The following ACYP2 variants were observed in gnomAD, a reference collection of about 807,000 sequenced individuals.
ACYP2 encodes the protein acylphosphatase 2.
Under a neutral mutation model 11.2 loss-of-function variants are expected in ACYP2, and 12 were observed. The ratio of observed to expected loss-of-function variants is 1.08; its 90% confidence interval spans 0.69 to 1.74. ACYP2 has a LOEUF of 1.74. Ranked by LOEUF, ACYP2 falls within the 40% of genes most tolerant of loss-of-function variation. ACYP2 has a pLI of 0.00. For synonymous variants in ACYP2, 43 were observed against 32.2 expected, an observed-to-expected ratio of 1.33 and a Z score of -1.13; for missense variants, 134 against 101.9, an observed-to-expected ratio of 1.31 and a Z score of -1.35.
At chr2:54,252,283 A>T (rs996125996) in intron 6 of ACYP2, among the ~76,000 whole-genome samples, 6 of 152,212 alleles carry the variant, frequency 3.9e-5, no homozygotes, top group Non-Finnish European at 7.3e-5. Context: ...TGAACATTTT[A>T]AAAAATTGGG....
At position 53,977,751 on chromosome 2, in the gene ACYP2, A is replaced by AT. The variant is rs1208928244; in HGVS notation, c.62+3941_62+3942insT. Among the ~76,000 whole-genome samples, 13 of 151,324 alleles carry AT rather than the reference A, an allele frequency of 8.6e-5. No individual in the cohort carries two copies. In the South Asian group the frequency reaches 2.1e-3, roughly 24 times the overall value. ...CTCCATCTCAAAAAAAAAAAAAAAA[A>AT]GCCCAAGTCACTTGCTGTTTCTGGA... On this transcript the variant is annotated intron_variant, in intron 2 of 6. Transcript: ENST00000607452.
chr2:54,195,654 A>C (rs34394331), intron 6 of ACYP2, among the ~76,000 whole-genome samples: 37,992 of 148,974 alleles, frequency 0.26, 5,329 homozygotes, highest in South Asian at 0.44. Context: ...AAAAAAAACA[A>C]AACACTGTAC....
At chr2:54,055,326 G>A (rs1676083718) in intron 3 of ACYP2, among the ~76,000 whole-genome samples, 1 of 152,024 alleles carries the variant, frequency 6.6e-6, no homozygotes, top group Non-Finnish European at 1.5e-5. Flanking sequence ...ACCCAGCCTG[G>A]TTTTTCTTAA....
intron 2 of ACYP2, among the ~76,000 whole-genome samples, chr2:53,980,808 A>G (rs1403176240): frequency 1.3e-5 from 2 of 151,628 alleles, no homozygotes; most frequent in Non-Finnish European, 2.9e-5. Flanking sequence ...TTGGAGTGCA[A>G]TGGTGCAATC....
Position 54,304,840 on chromosome 2 carries a change from C to A in ACYP2, c.*38C>A. 8.4e-7 allele frequency: 1 copy of A among 1,189,218 alleles called. No homozygotes were observed. Among genetic ancestry groups the A allele is most frequent in the Non-Finnish European group, 1.2e-6 (1 of 811,252 alleles). The allele number at this position is 1,189,218 out of a possible 1,614,324, so 73.7% of individuals were successfully genotyped here. A position where few individuals can be genotyped will look rare whatever the true frequency, so the allele number is the denominator to read the frequency against. ...ATTGTAACACACTGAACAATAGATA[C>A]TGTATGTTCTTAAGACTATGTATAC... On this transcript the variant is annotated 3_prime_UTR_variant, in exon 7 of 7. Coordinates refer to ENST00000607452, the MANE Select transcript of ACYP2 (RefSeq NM_001320586.2).
At position 54,051,288 on chromosome 2, in the gene ACYP2, A is replaced by T. The variant is rs776103831; in HGVS notation, c.155+238A>T. 3.0e-5 allele frequency: 23 copies of T among 778,700 alleles called. No homozygotes were observed. In the Admixed American group the frequency reaches 4.0e-4, roughly 13 times the overall value. 48.2% of individuals were successfully genotyped at this position (778,700 alleles called of 1,614,324 possible). A position where few individuals can be genotyped will look rare whatever the true frequency, so the allele number is the denominator to read the frequency against. ...TTTGTGCAAACTTGTCAGGAAGAGC[A>T]TAAGAAGCAGCAGCCAGATGCTTCA... On this transcript the variant is annotated intron_variant, in intron 3 of 6. Transcript: ENST00000607452.
intron 6 of ACYP2, among the ~76,000 whole-genome samples, chr2:54,291,643 G>A (rs1166886120): frequency 6.6e-6 from 1 of 152,192 alleles, no homozygotes; most frequent in African/African-American, 2.4e-5. Flanking sequence ...ACTGAGTTCA[G>A]TGGAGAAAGA....
At chr2:53,993,389 A>AT (rs1418705311) in intron 2 of ACYP2, among the ~76,000 whole-genome samples, 1 of 152,058 alleles carries the variant, frequency 6.6e-6, no homozygotes, top group Non-Finnish European at 1.5e-5. Flanking sequence ...AGAAAAAAAA[A>AT]GTACAGGTGC....
At chr2:54,068,220 A>C (rs1226148928) in intron 4 of ACYP2, among the ~76,000 whole-genome samples, 1 of 152,140 alleles carries the variant, frequency 6.6e-6, no homozygotes, top group Non-Finnish European at 1.5e-5. Context: ...TTGAGAGAGG[A>C]ACTGGGTTTG....
At chr2:54,200,782 T>C (rs1310048916) in intron 6 of ACYP2, among the ~76,000 whole-genome samples, 2 of 152,178 alleles carry the variant, frequency 1.3e-5, no homozygotes, top group African/African-American at 4.8e-5. Flanking sequence ...AGGAGTAGAA[T>C]TGCTGGGTTA....
chr2:54,277,769 T>G (rs1466542914), intron 6 of ACYP2, among the ~76,000 whole-genome samples: 1 of 152,210 alleles, frequency 6.6e-6, no homozygotes, highest in Non-Finnish European at 1.5e-5. Context: ...TTAGGCAACA[T>G]TCATTATTTC....
At chr2:54,298,177 C>T (rs1689592575) in intron 6 of ACYP2, among the ~76,000 whole-genome samples, 1 of 152,018 alleles carries the variant, frequency 6.6e-6, no homozygotes, top group Non-Finnish European at 1.5e-5. Flanking sequence ...AAATAGAATG[C>T]CTATAAACAG....
intron 2 of ACYP2, among the ~76,000 whole-genome samples, chr2:54,036,040 C>G (rs1674880667): frequency 6.6e-6 from 1 of 152,148 alleles, no homozygotes; most frequent in Non-Finnish European, 1.5e-5. Context: ...AGTACCTCTC[C>G]AAGCTTAGAG....
chr2:54,229,975 C>T (rs963419802), intron 6 of ACYP2, among the ~76,000 whole-genome samples: 1 of 152,188 alleles, frequency 6.6e-6, no homozygotes, highest in Non-Finnish European at 1.5e-5. Context: ...TCTAGGGAGT[C>T]ATGTCCTACA....
At chr2:54,224,288 A>G (rs984187277) in intron 6 of ACYP2, among the ~76,000 whole-genome samples, 1 of 152,170 alleles carries the variant, frequency 6.6e-6, no homozygotes, top group Non-Finnish European at 1.5e-5. Flanking sequence ...CCTGCACCCA[A>G]GAAGAATGAG....
chr2:54,140,571 G>A (rs1681550457), intron 6 of ACYP2, among the ~76,000 whole-genome samples: 1 of 151,530 alleles, frequency 6.6e-6, no homozygotes, highest in South Asian at 2.1e-4. Flanking sequence ...CACTTTTATG[G>A]ATTTTGTTCA....
At chr2:54,053,752 G>T (rs1210857346) in intron 3 of ACYP2, among the ~76,000 whole-genome samples, 2 of 152,168 alleles carry the variant, frequency 1.3e-5, no homozygotes, top group Admixed American at 1.3e-4. Flanking sequence ...CAGTCCTACA[G>T]CAGTGTTTAG....
At chr2:54,131,127 G>A (rs965129208) in intron 4 of ACYP2, among the ~76,000 whole-genome samples, 8 of 152,138 alleles carry the variant, frequency 5.3e-5, no homozygotes, top group African/African-American at 1.9e-4. Flanking sequence ...TTAGACAATT[G>A]AAAAATGTTT....
chr2:54,165,705 G>A (rs186275598), intron 6 of ACYP2, among the ~76,000 whole-genome samples: 31 of 152,230 alleles, frequency 2.0e-4, no homozygotes, highest in Non-Finnish European at 4.1e-4. Context: ...GCCTTAGACT[G>A]GAGAGGAGAC....
Sources: gnomAD v4.1 joint callset for allele counts (sites outside exome capture counted in the v4.1 genomes callset) on GRCh38, gnomAD v4.1.1 for gene constraint, MANE v1.5 for transcripts, NCBI Gene and HGNC (gene_info 2026-07-23, HGNC 2026-07-21) for gene names.